The following GTF3C1 variants were observed in gnomAD, a reference collection of about 807,000 sequenced individuals.
The protein encoded by GTF3C1 is general transcription factor 3C polypeptide 1.
A neutral mutation model predicts 226.7 loss-of-function variants in GTF3C1; 57 were observed. The ratio of observed to expected loss-of-function variants is 0.25; its 90% CI spans 0.20 to 0.31. GTF3C1 has a LOEUF of 0.31. Among genes scored for constraint, GTF3C1 ranks in the 10% least tolerant of loss-of-function variants. The pLI is 1.00. For synonymous variants in GTF3C1, 1,090 were observed against 1,084.8 expected, an observed-to-expected ratio of 1.00 and a Z score of -0.09; for missense variants, 2,217 against 2,776.1, an observed-to-expected ratio of 0.80 and a Z score of 4.53.
Position 27,501,259 on chromosome 16 carries a change from T to A in GTF3C1, c.1993A>T (p.Asn665Tyr). 6.2e-7 allele frequency: 1 copy of A among 1,614,110 alleles called. No individual in the cohort carries two copies. Among genetic ancestry groups the A allele is most frequent in the Non-Finnish European group, 8.5e-7 (1 of 1,179,964 alleles). The change falls in exon 12 of 37, where the codon AAC (asparagine) becomes TAC (tyrosine). Residue 665 changes from asparagine to tyrosine, a missense_variant. Transcript: ENST00000356183. ...CKKSIVRLVR[N>Y]LSEEGLLRLY... ...CGCAAGAGACCTTCCTCAGACAGGT[T>A]CCGCACCAAGCGGACAATGGACTTC...
At chr16:27,544,189 G>A (rs2089131036) in intron 2 of GTF3C1, among the ~76,000 whole-genome samples, 1 of 151,994 alleles carries the variant, frequency 6.6e-6, no homozygotes, top group African/African-American at 2.4e-5. Context: ...AGAAGTTTGA[G>A]ACCAGCCTGA....
rs1211686779 is a variant in GTF3C1, at chr16:27,489,070, G to A, written c.3402C>T (p.Thr1134=). The A allele has an allele frequency of 3.1e-6, 5 of 1,613,988 alleles. No individual in the cohort carries two copies. The South Asian group carries it at 5.5e-5, about 18-fold the overall frequency. ...YGHLKRNWIW[T]SYIINQAKKE... ...TTTTGGCCTGGTTGATGATGTAGCT[G>A]GTCCAGATCCAGTTGCGCTTGAGGT... Residue 1134 remains threonine, a synonymous_variant, in exon 21 of 37, where the codon ACC becomes ACT. Coordinates refer to ENST00000356183, the MANE Select transcript of GTF3C1 (RefSeq NM_001520.4).
chr16:27,463,855 T>C lies in GTF3C1; in HGVS notation c.5873-263A>G. The C allele has an allele frequency of 2.0e-6, 1 of 504,790 alleles. No homozygotes were observed. The highest frequency in any genetic ancestry group is 2.6e-5 in the South Asian group (1 of 38,124). 31.3% of individuals were successfully genotyped at this position (504,790 alleles called of 1,614,324 possible). ...ACATTGCAGGAAGCCAGCGAACACC[T>C]CATTTTCCACCCAGAAGCCCCGACC... On this transcript the variant is annotated intron_variant, in intron 34 of 36. Transcript: ENST00000356183. The surrounding 1 kb of genome is among the most constrained non-coding windows in gnomAD (Gnocchi z 4.9).
At chr16:27,467,979 T>C (rs1232796049) in intron 32 of GTF3C1, among the ~76,000 whole-genome samples, 1 of 152,074 alleles carries the variant, frequency 6.6e-6, no homozygotes, top group Non-Finnish European at 1.5e-5. Flanking sequence ...GGAGCCACCA[T>C]TCTAGATGCC....
At chr16:27,479,641 G>A (rs1316693785) in intron 27 of GTF3C1, among the ~76,000 whole-genome samples, 2 of 152,088 alleles carry the variant, frequency 1.3e-5, no homozygotes, top group Non-Finnish European at 2.9e-5. Flanking sequence ...GCTAATTTTT[G>A]TATTTTTAGA....
At chr16:27,523,597 TAATTA>T (rs906941120) in intron 6 of GTF3C1, among the ~76,000 whole-genome samples, 7 of 152,176 alleles carry the variant, frequency 4.6e-5, no homozygotes, top group Non-Finnish European at 1.0e-4. Context: ...AAGCGGCACT[TAATTA>T]AATTAAATTA....
chr16:27,519,278 C>T (rs750155061), intron 6 of GTF3C1, among the ~76,000 whole-genome samples: 5 of 152,098 alleles, frequency 3.3e-5, no homozygotes, highest in Admixed American at 1.3e-4. Flanking sequence ...GGTGAGGATA[C>T]GGAGAAAGGT....
chr16:27,525,832 G>T (rs1034835252), intron 6 of GTF3C1, among the ~76,000 whole-genome samples: 1 of 152,220 alleles, frequency 6.6e-6, no homozygotes, highest in South Asian at 2.1e-4. Flanking sequence ...GGTTTCCTTG[G>T]AATTAATAAC....
At position 27,507,189 on chromosome 16, in the gene GTF3C1, A is replaced by G. The variant is rs1194800056; in HGVS notation, c.1243-33T>C. ...GAATAAGATGTGTTTATCCCACTGC[A>G]AAGAGGGCGTCATACCCACAGGGGT... is the stretch of plus-strand genomic sequence containing the variant. On this transcript the variant is annotated intron_variant, in intron 8 of 36. Coordinates refer to ENST00000356183, the MANE Select transcript of GTF3C1 (RefSeq NM_001520.4). This position sits in a 1 kb window ranked among gnomAD's most constrained non-coding sequence, Gnocchi z 4.9. 6.7e-7 allele frequency: 1 copy of G among 1,488,486 alleles called. No homozygotes were observed. Among genetic ancestry groups the G allele is most frequent in the East Asian group, 2.3e-5 (1 of 43,888 alleles). The allele number at this position is 1,488,486 out of a possible 1,614,324, so 92.2% of individuals were successfully genotyped here. A position where few individuals can be genotyped will look rare whatever the true frequency, so the allele number is the denominator to read the frequency against.
chr16:27,537,847 C>A lies in GTF3C1; in HGVS notation c.689G>T (p.Arg230Leu). 6.2e-7 allele frequency: 1 copy of A among 1,612,564 alleles called. No individual in the cohort carries two copies. Among genetic ancestry groups the A allele is most frequent in the East Asian group, 2.2e-5 (1 of 44,876 alleles). Residue 230 changes from arginine (R) to leucine (L), a missense_variant, in exon 4 of 37, where the codon CGA (arginine) becomes CTA (leucine). By Grantham distance (102) the Arg-to-Leu change is moderately radical. Around this residue, in one of 12 missense-constraint regions of GTF3C1, gnomAD observed 163 missense variants for 234.3 expected, o/e 0.70. Transcript: ENST00000356183. ...GLITMQSHVI[R>L]LPTGAQQHSI... Reference sequence around the variant, plus strand: ...GTGTTGCTGGGCTCCAGTGGGTAATCGGATCACATGGGACTGCATTGTAAT... The same window carrying A: ...GTGTTGCTGGGCTCCAGTGGGTAATAGGATCACATGGGACTGCATTGTAAT...
intron 32 of GTF3C1, chr16:27,465,980 TGCC>T (rs2087781627): frequency 5.6e-6 from 1 of 179,310 alleles, no homozygotes. Context: ...ACCCTACTTT[TGCC>T]TACACTAGCC....
rs775647995 is a variant in GTF3C1, at chr16:27,461,512, C to G, written c.6168G>C (p.Arg2056Ser). Reference sequence around the variant, plus strand: ...CGGGTGTAGAGAAGAGCGAGACAGGCCTTGGCTTTCTCAGCCAGCGCTTCC... The same window carrying G: ...CGGGTGTAGAGAAGAGCGAGACAGGGCTTGGCTTTCTCAGCCAGCGCTTCC... ...CIRKRWLRKP[R>S]PVSLFSTPVV... is the part of the protein sequence containing the mutation. Residue 2056 changes from arginine (R) to serine (S), a missense_variant, in exon 37 of 37, where the codon AGG becomes AGC. This residue lies in a region of GTF3C1 where 153 missense variants were observed against 199.8 expected (regional missense o/e 0.77). Coordinates refer to ENST00000356183, the MANE Select transcript of GTF3C1 (RefSeq NM_001520.4). This position sits in a 1 kb window ranked among gnomAD's most constrained non-coding sequence, Gnocchi z 5.3. 2 of 1,613,996 alleles carry G rather than the reference C, an allele frequency of 1.2e-6. No homozygotes were observed. The highest frequency in any genetic ancestry group is 2.2e-5 in the South Asian group (2 of 91,086).
rs1163652097 is a variant in GTF3C1, at chr16:27,464,842, G to T, written c.5356-6C>A. ...TGATGCTGCTCCAGGAGGGCCTGGG[G>T]AGGCAGGAGACACGCGGGGTCTGTG... is the stretch of plus-strand genomic sequence containing the variant. On this transcript the variant is annotated splice_region_variant and splice_polypyrimidine_tract_variant and intron_variant, in intron 33 of 36. Coordinates refer to ENST00000356183, the MANE Select transcript of GTF3C1 (RefSeq NM_001520.4). 2.0e-6 allele frequency: 3 copies of T among 1,501,464 alleles called. No homozygotes were observed. The African/African-American group carries it at 4.2e-5, about 21-fold the overall frequency. The allele number at this position is 1,501,464 out of a possible 1,614,324, so 93.0% of individuals were successfully genotyped here.
chr16:27,516,710 CT>C (rs1442856893), intron 6 of GTF3C1, among the ~76,000 whole-genome samples: 3 of 152,236 alleles, frequency 2.0e-5, no homozygotes, highest in African/African-American at 7.2e-5. Flanking sequence ...AGCACAATCA[CT>C]GCAGCCTCGA....
chr16:27,477,373 C>G (rs1035316958), intron 28 of GTF3C1, among the ~76,000 whole-genome samples: 1 of 151,526 alleles, frequency 6.6e-6, no homozygotes, highest in Admixed American at 6.6e-5. Flanking sequence ...ATGGTGTGAT[C>G]TCAGCTCACT....
chr16:27,477,493 C>T (rs893880391), intron 28 of GTF3C1, among the ~76,000 whole-genome samples: 6 of 152,108 alleles, frequency 3.9e-5, no homozygotes, highest in South Asian at 2.1e-4. Flanking sequence ...TAAGTAGAGA[C>T]GGGGTTTCAC....
At chr16:27,511,673 T>G in intron 7 of GTF3C1, 76 bp downstream of exon 7, 1 of 1,489,468 alleles carries the variant, frequency 6.7e-7, no homozygotes, top group Non-Finnish European at 9.3e-7. Context: ...GAGCTCTCTC[T>G]CGACATGTGG....
At chr16:27,528,438 T>C (rs893995971) in intron 6 of GTF3C1, among the ~76,000 whole-genome samples, 160 bp downstream of exon 6, 6 of 152,164 alleles carry the variant, frequency 3.9e-5, no homozygotes, top group Admixed American at 2.6e-4. Context: ...ACTTTTTATA[T>C]GGACAGTCCT....
In GTF3C1 at chr16:27,493,167, C is replaced by A. The variant is rs758351686; in HGVS notation, c.2876+32G>T. ...TGACTTAAGGGTTTGTTTGGACCTG[C>A]GACTACTCTGGGTCAGGTTCAATGG... is the stretch of plus-strand genomic sequence containing the variant. On this transcript the variant is annotated intron_variant, in intron 17 of 36. Coordinates refer to ENST00000356183, the MANE Select transcript of GTF3C1 (RefSeq NM_001520.4). The A allele has an allele frequency of 1.5e-5, 17 of 1,158,686 alleles. No individual in the cohort carries two copies. The Admixed American group carries it at 2.9e-4, about 19-fold the overall frequency. 71.8% of individuals were successfully genotyped at this position (1,158,686 alleles called of 1,614,324 possible). A position where few individuals can be genotyped will look rare whatever the true frequency, so the allele number is the denominator to read the frequency against.
Sources: allele counts gnomAD v4.1 joint callset (sites outside exome capture counted in the v4.1 genomes callset), GRCh38; gene constraint gnomAD v4.1.1; regional missense constraint gnomAD v4.1.1; non-coding constraint Gnocchi (gnomAD v3.1); transcripts MANE v1.5; gene names NCBI Gene and HGNC (gene_info 2026-07-23, HGNC 2026-07-21).